The following SNX9 variants were observed in gnomAD, a reference collection of about 807,000 sequenced individuals.
The protein encoded by SNX9 is sorting nexin-9.
Under a neutral mutation model 89.4 loss-of-function variants are expected in SNX9, and 44 were observed. The ratio of observed to expected loss-of-function variants is 0.49; its 90% CI spans 0.39 to 0.63. SNX9 has a LOEUF of 0.63. Ranked by LOEUF, SNX9 falls within the 30% of genes least tolerant of loss-of-function variation. SNX9 has a pLI of 0.00. For synonymous variants in SNX9, 236 were observed against 247.8 expected (o/e 0.95, Z 0.45); for missense variants, 578 against 736.1 (o/e 0.79, Z 2.49).
In SNX9 at chr6:157,940,988, C is replaced by T. The variant is rs373155198; in HGVS notation, c.1740+14C>T. The T allele has an allele frequency of 5.7e-5, 92 of 1,611,760 alleles. 2 individuals carry two copies. In the South Asian group the frequency reaches 9.4e-4, roughly 17 times the overall value. Reference sequence around the variant, plus strand: ...TTTTACGAAACGGTGAGTGGGCGTCCACGTGCCTTTCGCATGTGCTTGAGG... The same window carrying T: ...TTTTACGAAACGGTGAGTGGGCGTCTACGTGCCTTTCGCATGTGCTTGAGG... On this transcript the variant is annotated intron_variant, in intron 17 of 17. Coordinates refer to ENST00000392185, the MANE Select transcript of SNX9 (RefSeq NM_016224.5).
intron 1 of SNX9, among the ~76,000 whole-genome samples, chr6:157,860,400 G>A (rs184383111): frequency 5.3e-5 from 8 of 152,144 alleles, no homozygotes; most frequent in South Asian, 2.1e-4. Flanking sequence ...AGCAAGATGC[G>A]GTCTCTCAAA....
Position 157,823,330 on chromosome 6 carries a change from G to T in SNX9, c.-105G>T, listed in dbSNP as rs143230208. On this transcript the variant is annotated 5_prime_UTR_variant, in exon 1 of 18. Transcript: ENST00000392185. The surrounding 1 kb of genome is among the most constrained non-coding windows in gnomAD (Gnocchi z 4.6). ...GGAGCGGCCGCCGCGCCGGGGCCCA[G>T]CCGGAGCCGCCGCCCTCGCCCTTGC... 5.4e-5 allele frequency: 57 copies of T among 1,059,340 alleles called. No individual in the cohort carries two copies. In the African/African-American group the frequency reaches 8.5e-4, roughly 16 times the overall value. The allele number at this position is 1,059,340 out of a possible 1,614,324, so 65.6% of individuals were successfully genotyped here.
At chr6:157,848,432 G>A (rs1781844354) in intron 1 of SNX9, among the ~76,000 whole-genome samples, 2 of 152,148 alleles carry the variant, frequency 1.3e-5, no homozygotes, top group South Asian at 4.1e-4. Flanking sequence ...AAGGATAAGC[G>A]TTGGCATTTT....
chr6:157,912,382 CAG>C (rs1783366003), intron 9 of SNX9, among the ~76,000 whole-genome samples: 1 of 152,012 alleles, frequency 6.6e-6, no homozygotes, highest in Admixed American at 6.6e-5. Context: ...TTTAAAGCTT[CAG>C]AGAGTCACGG....
intron 4 of SNX9, among the ~76,000 whole-genome samples, chr6:157,879,062 G>A (rs1442800076): frequency 1.3e-5 from 2 of 152,324 alleles, no homozygotes; most frequent in South Asian, 4.1e-4. Context: ...GTCATACAAA[G>A]CGAGGGAAAG....
At position 157,841,320 on chromosome 6, in the gene SNX9, A is replaced by G. The variant is rs1034091553; in HGVS notation, c.12+17874A>G. 2.0e-5 allele frequency among the ~76,000 whole-genome samples: 3 copies of G among 152,310 alleles called. No individual in the cohort carries two copies. The South Asian group carries it at 6.2e-4, about 32-fold the overall frequency. ...TCTTCAAGATGAAGGGCATCCCCCA[A>G]TGATTAGGAGAGGCACAAGATAGAA... On this transcript the variant is annotated intron_variant, in intron 1 of 17. Transcript: ENST00000392185.
chr6:157,873,900 A>G (rs993962242), intron 3 of SNX9, among the ~76,000 whole-genome samples: 1 of 152,140 alleles, frequency 6.6e-6, no homozygotes, highest in African/African-American at 2.4e-5. Context: ...GACACCCCCA[A>G]GCTGAGCCAA....
intron 4 of SNX9, among the ~76,000 whole-genome samples, chr6:157,878,277 G>A (rs1038530008): frequency 6.6e-6 from 1 of 152,210 alleles, no homozygotes; most frequent in Non-Finnish European, 1.5e-5. Context: ...CTGCAGTTTA[G>A]ACTAGAATTG....
intron 1 of SNX9, among the ~76,000 whole-genome samples, chr6:157,856,203 C>G (rs749566797): frequency 2.2e-4 from 33 of 152,164 alleles, no homozygotes; most frequent in Non-Finnish European, 4.0e-4. Context: ...AGAAATTCTC[C>G]TAAGATTTTC....
chr6:157,920,281 C>A (rs1783556586), intron 9 of SNX9, among the ~76,000 whole-genome samples: 1 of 152,182 alleles, frequency 6.6e-6, no homozygotes, highest in Admixed American at 6.5e-5. Context: ...ATGCATACAG[C>A]CTCAGCCTGG....
intron 14 of SNX9, 93 bp from the exon 15 acceptor site, chr6:157,937,341 T>A: frequency 1.2e-6 from 1 of 835,278 alleles, no homozygotes; most frequent in Non-Finnish European, 2.0e-6. Context: ...GTGTAGCACA[T>A]GCAGGATTTA....
rs1431417823 is a variant in SNX9 at position 157,906,109 on chromosome 6, C to T, written c.621-19C>T. ...CAAGGAAAGTCTTAAGACTGATGAA[C>T]ATTTATATTCATGATTAGATTTCCT... On this transcript the variant is annotated intron_variant, in intron 6 of 17. Transcript: ENST00000392185. 1 of 1,598,250 alleles carries T rather than the reference C, an allele frequency of 6.3e-7. No homozygotes were observed. The highest frequency in any genetic ancestry group is 8.6e-7 in the Non-Finnish European group (1 of 1,169,498).
At chr6:157,840,407 C>CTTTA (rs916789998) in intron 1 of SNX9, among the ~76,000 whole-genome samples, 2 of 129,274 alleles carry the variant, frequency 1.5e-5, no homozygotes, top group African/African-American at 6.8e-5. Context: ...ACAAAAAATA[C>CTTTA]TTTCTTTCTT....
At position 157,823,340 on chromosome 6, in the gene SNX9, C is replaced by T. The variant is rs1398107992; in HGVS notation, c.-95C>T. 2.7e-6 allele frequency: 3 copies of T among 1,120,056 alleles called. No individual in the cohort carries two copies. Among genetic ancestry groups the T allele is most frequent in the Non-Finnish European group, 3.3e-6 (3 of 898,552 alleles). The allele number at this position is 1,120,056 out of a possible 1,614,324, so 69.4% of individuals were successfully genotyped here. A position where few individuals can be genotyped will look rare whatever the true frequency, so the allele number is the denominator to read the frequency against. On this transcript the variant is annotated 5_prime_UTR_variant, in exon 1 of 18. Transcript: ENST00000392185. The surrounding 1 kb of genome is among the most constrained non-coding windows in gnomAD (Gnocchi z 4.6). ...CCGCGCCGGGGCCCAGCCGGAGCCG[C>T]CGCCCTCGCCCTTGCCTTTGCCTGC...
chr6:157,852,684 C>T (rs1403512416), intron 1 of SNX9, among the ~76,000 whole-genome samples: 2 of 152,086 alleles, frequency 1.3e-5, no homozygotes, highest in Admixed American at 6.6e-5. Flanking sequence ...TTAAGCGATC[C>T]TCCCACTTCT....
chr6:157,933,443 T>TTAATAATATTCATTTATTTAATAATAAAC (rs1783857627), intron 13 of SNX9, among the ~76,000 whole-genome samples: 1 of 152,234 alleles, frequency 6.6e-6, no homozygotes, highest in African/African-American at 2.4e-5. Flanking sequence ...TCTGAATATT[T>TTAATAATATTCATTTATTTAATAATAAAC]TAATAATAAA....
intron 2 of SNX9, 38 bp from the exon 3 acceptor site, chr6:157,873,064 A>T: frequency 1.4e-6 from 2 of 1,470,718 alleles, no homozygotes; most frequent in East Asian, 2.3e-5. Flanking sequence ...CTCAACTGTA[A>T]TCTTTTTCTT....
In SNX9 at chr6:157,932,228, C is replaced by G; in HGVS notation, c.1322C>G (p.Ala441Gly). The change falls in exon 13 of 18, where the codon GCC (alanine) becomes GGC (glycine). Residue 441 changes from alanine (A) to glycine (G), a missense_variant. By Grantham distance (60) the Ala-to-Gly change is moderately conservative. Coordinates refer to ENST00000392185, the MANE Select transcript of SNX9 (RefSeq NM_016224.5). The part of the protein sequence containing the change: ...LPKEYQKIGK[A>G]LQSLATVFSS... The stretch of plus-strand genomic sequence containing the variant: ...AAGGAATATCAGAAGATAGGAAAGG[C>G]CTTGCAGAGTTTGGCCACAGTGTTC... 1 of 1,614,162 alleles carries G rather than the reference C, an allele frequency of 6.2e-7. No homozygotes were observed. The highest frequency in any genetic ancestry group is 8.5e-7 in the Non-Finnish European group (1 of 1,180,024).
intron 1 of SNX9, among the ~76,000 whole-genome samples, chr6:157,853,522 A>G (rs1361549106): frequency 1.3e-5 from 2 of 152,036 alleles, no homozygotes; most frequent in Non-Finnish European, 2.9e-5. Context: ...ACTTCTTCAG[A>G]CACTTTTTCT....
Sources: allele counts gnomAD v4.1 joint callset (sites outside exome capture counted in the v4.1 genomes callset), GRCh38; gene constraint gnomAD v4.1.1; non-coding constraint Gnocchi (gnomAD v3.1); transcripts MANE v1.5; gene names NCBI Gene and HGNC (gene_info 2026-07-23, HGNC 2026-07-21).